The following TEX11 variants were observed in gnomAD, a reference collection of about 807,000 sequenced individuals.
TEX11 encodes the protein testis expressed 11.
Under a neutral mutation model 84.4 loss-of-function variants are expected in TEX11, and 7 were observed. The ratio of observed to expected loss-of-function variants is 0.08; its 90% CI spans 0.05 to 0.16. The LOEUF (loss-of-function observed/expected upper bound fraction) is 0.16. Ranked by LOEUF, TEX11 falls within the 10% of genes least tolerant of loss-of-function variation. The pLI is 1.00. For synonymous variants in TEX11, 264 were observed against 222.8 expected, an observed-to-expected ratio of 1.18 and a Z score of -1.64; for missense variants, 551 against 660.5, an observed-to-expected ratio of 0.83 and a Z score of 1.82.
downstream of TEX11, among the ~76,000 whole-genome samples, chrX:70,527,760 G>A (rs949504311): frequency 2.7e-5 from 3 of 111,567 alleles, no homozygotes; most frequent in Non-Finnish European, 5.6e-5. Flanking sequence ...GCATTAAGGG[G>A]AAATGGGGCA....
the TEX11 span, among the ~76,000 whole-genome samples, chrX:70,511,752 C>CAAAAAAAAAAAAAAAAA: frequency 6.1e-4 from 20 of 32,718 alleles, no homozygotes; most frequent in Non-Finnish European, 9.9e-4. Context: ...GACTCCATCT[C>CAAAAAAAAAAAAAAAAA]AAAAAAAAAA....
rs754787924 is a variant in TEX11, at chrX:70,712,143, G to A, written c.1004+10475C>T. On this transcript the variant is annotated intron_variant, in intron 13 of 29. Coordinates refer to ENST00000374333, the MANE Select transcript of TEX11 (RefSeq NM_031276.3). ...CTGAGGGCTCTGTTCTTTTCCATTG[G>A]TCTGTATCTCTGTTTTGGTACCAGT... is the stretch of plus-strand genomic sequence containing the variant. 3.6e-5 allele frequency among the ~76,000 whole-genome samples: 4 copies of A among 111,213 alleles called. No homozygotes were observed. In the East Asian group the frequency reaches 1.1e-3, roughly 31 times the overall value.
chrX:70,685,351 G>C (rs981812536), intron 13 of TEX11, among the ~76,000 whole-genome samples: 6 of 111,844 alleles, frequency 5.4e-5, no homozygotes, highest in Non-Finnish European at 1.1e-4. Flanking sequence ...GGGTGTTGGA[G>C]TGAGACTCTG....
chrX:70,549,879 C>T (rs2088190767), intron 28 of TEX11, among the ~76,000 whole-genome samples: 1 of 112,618 alleles, frequency 8.9e-6, no homozygotes. Flanking sequence ...CACCTGCTGA[C>T]TGTAGAGCCC....
chrX:70,645,652 G>GA (rs769919182), intron 17 of TEX11, among the ~76,000 whole-genome samples: 122 of 111,165 alleles, frequency 1.1e-3, no homozygotes, highest in Non-Finnish European at 2.0e-3. Context: ...CAAACTACCT[G>GA]AAAAAATATT....
chrX:70,746,541 C>A (rs936641009), intron 9 of TEX11, among the ~76,000 whole-genome samples: 3 of 111,862 alleles, frequency 2.7e-5, no homozygotes, highest in African/African-American at 9.7e-5. Flanking sequence ...GAGAAGCATG[C>A]CATGAGCCCA....
intron 9 of TEX11, among the ~76,000 whole-genome samples, chrX:70,777,337 T>C (rs2091008538): frequency 8.9e-6 from 1 of 111,964 alleles, no homozygotes; most frequent in African/African-American, 3.2e-5. Context: ...TGATCATAAT[T>C]AAGTTTTTAT....
intron 28 of TEX11, among the ~76,000 whole-genome samples, chrX:70,550,293 A>G (rs1482108734): frequency 1.8e-5 from 2 of 112,211 alleles, no homozygotes; most frequent in Non-Finnish European, 3.8e-5. Flanking sequence ...TGAAACTACT[A>G]CAAGAAAATA....
Position 70,725,301 on chromosome X carries a change from G to C in TEX11, c.886C>G (p.Leu296Val), listed in dbSNP as rs1442546702. 1.7e-6 allele frequency: 2 copies of C among 1,199,734 alleles called. No individual in the cohort carries two copies. Among genetic ancestry groups the C allele is most frequent in the South Asian group, 1.8e-5 (1 of 54,983 alleles). ...SPGLFLKMKI[L>V]LKGETSNEEL... ...TCATTAGATGTTTCGCCTTTCAAGAGGATTTTCATTTTTAAGAAAAGCCCA... is the reference window on the plus strand; with the variant it reads ...TCATTAGATGTTTCGCCTTTCAAGACGATTTTCATTTTTAAGAAAAGCCCA... Residue 296 changes from leucine (L) to valine (V), a missense_variant, in exon 12 of 30, where the codon CTC (leucine) becomes GTC (valine). Transcript: ENST00000374333.
chrX:70,752,889 G>A (rs2090839195), intron 9 of TEX11, among the ~76,000 whole-genome samples: 1 of 110,505 alleles, frequency 9.0e-6, no homozygotes, highest in African/African-American at 3.3e-5. Flanking sequence ...GAGCATTGCT[G>A]TATGCTGGGG....
chrX:70,559,718 A>G (rs2088338315), intron 25 of TEX11, among the ~76,000 whole-genome samples: 1 of 112,302 alleles, frequency 8.9e-6, no homozygotes, highest in South Asian at 3.7e-4. Flanking sequence ...ATTCCATTGT[A>G]TGAACATACC....
At chrX:70,579,502 CAAAAAAACA>C (rs2088736002) in intron 25 of TEX11, among the ~76,000 whole-genome samples, 1 of 30,778 alleles carries the variant, frequency 3.2e-5, no homozygotes, top group Non-Finnish European at 5.8e-5. Flanking sequence ...GTCTCAAAAA[CAAAAAAACA>C]AAAAAAACAA....
intron 5 of TEX11, among the ~76,000 whole-genome samples, chrX:70,858,960 C>T (rs946287854): frequency 6.3e-5 from 7 of 110,721 alleles, no homozygotes; most frequent in Non-Finnish European, 1.3e-4. Context: ...ATCACTTGAA[C>T]CCAGGACGCA....
At chrX:70,880,960 G>C (rs1368998429) in intron 2 of TEX11, among the ~76,000 whole-genome samples, 1 of 94,205 alleles carries the variant, frequency 1.1e-5, no homozygotes, top group Non-Finnish European at 2.0e-5. Context: ...GATCCCTTGA[G>C]CCCAGGAGTT....
At chrX:70,747,203 C>T (rs1029261385) in intron 9 of TEX11, among the ~76,000 whole-genome samples, 1 of 112,082 alleles carries the variant, frequency 8.9e-6, no homozygotes, top group African/African-American at 3.2e-5. Context: ...TCTAAACAAA[C>T]ATACATCCAG....
At chrX:70,843,505 C>T (rs1317977787) in intron 7 of TEX11, among the ~76,000 whole-genome samples, 16 of 111,810 alleles carry the variant, frequency 1.4e-4, no homozygotes, top group Middle Eastern at 4.2e-3. Flanking sequence ...CATAAAACCC[C>T]TAGAAGAAAA....
At chrX:70,610,243 G>A (rs1469645961) in intron 21 of TEX11, among the ~76,000 whole-genome samples, 2 of 99,977 alleles carry the variant, frequency 2.0e-5, no homozygotes, top group African/African-American at 3.7e-5. Context: ...ACGGGAGGGA[G>A]GGAGGGAAGG....
intron 28 of TEX11, among the ~76,000 whole-genome samples, chrX:70,549,381 A>G (rs1273835310): frequency 9.0e-6 from 1 of 110,986 alleles, no homozygotes; most frequent in Non-Finnish European, 1.9e-5. Flanking sequence ...GCTTGAGAAA[A>G]GCAGAGGGAA....
chrX:70,664,937 C>G (rs1482185356), intron 16 of TEX11, among the ~76,000 whole-genome samples: 1 of 108,433 alleles, frequency 9.2e-6, no homozygotes. Flanking sequence ...GTGAATATCA[C>G]TAGTTTATGT....
Sources: allele counts gnomAD v4.1 joint callset (sites outside exome capture counted in the v4.1 genomes callset), GRCh38; gene constraint gnomAD v4.1.1; transcripts MANE v1.5; gene names NCBI Gene and HGNC (gene_info 2026-07-23, HGNC 2026-07-21).